ARHGAP44: variants seen among roughly 807,000 people sequenced by gnomAD.
ARHGAP44 encodes Rho GTPase activating protein 44.
A neutral mutation model predicts 106.8 loss-of-function variants in ARHGAP44; 43 were observed. The ratio of observed to expected loss-of-function variants is 0.40; its 90% CI spans 0.32 to 0.52. The LOEUF is 0.52. Among genes scored for constraint, ARHGAP44 ranks in the 20% least tolerant of loss-of-function variants. The pLI is 0.48. For synonymous variants in ARHGAP44, 439 were observed against 410.3 expected (o/e 1.07, Z -0.85); for missense variants, 866 against 1,050.5 (o/e 0.82, Z 2.43).
At chr17:12,885,179 G>A (rs909199584) in intron 1 of ARHGAP44, among the ~76,000 whole-genome samples, 14 of 152,180 alleles carry the variant, frequency 9.2e-5, no homozygotes, top group Non-Finnish European at 1.8e-4. Flanking sequence ...GATTACAGGC[G>A]TGAGCCATCG....
intron 1 of ARHGAP44, among the ~76,000 whole-genome samples, chr17:12,847,010 T>C (rs1272189814): frequency 6.6e-6 from 1 of 152,240 alleles, no homozygotes; most frequent in East Asian, 1.9e-4. Context: ...GACAGCGTCG[T>C]TGAAGTGGCA....
intron 1 of ARHGAP44, among the ~76,000 whole-genome samples, chr17:12,820,275 A>G (rs1277053382): frequency 6.6e-6 from 1 of 152,246 alleles, no homozygotes; most frequent in African/African-American, 2.4e-5. Context: ...ATAATTGTAC[A>G]TATTCATGGG....
At chr17:12,825,416 TTGTGTGTGTG>T (rs35243771) in intron 1 of ARHGAP44, among the ~76,000 whole-genome samples, 1 of 148,082 alleles carries the variant, frequency 6.8e-6, no homozygotes, top group Non-Finnish European at 1.5e-5. Context: ...AGGAGTGTGT[TTGTGTGTGTG>T]TGTGTGTGTG....
At chr17:12,854,647 A>G (rs1299856463) in intron 1 of ARHGAP44, among the ~76,000 whole-genome samples, 1 of 152,104 alleles carries the variant, frequency 6.6e-6, no homozygotes, top group Non-Finnish European at 1.5e-5. Context: ...GAGGATATGA[A>G]CCCGTTATGC....
intron 3 of ARHGAP44, among the ~76,000 whole-genome samples, chr17:12,897,615 G>A (rs1329075450): frequency 1.3e-5 from 2 of 151,692 alleles, no homozygotes; most frequent in Non-Finnish European, 2.9e-5. Context: ...ATGACTTTGG[G>A]CATGAAACCC....
At chr17:12,962,793 C>T (rs1201957514) in intron 16 of ARHGAP44, among the ~76,000 whole-genome samples, 2 of 152,086 alleles carry the variant, frequency 1.3e-5, no homozygotes, top group African/African-American at 4.8e-5. Flanking sequence ...TGCCTGTAAG[C>T]CCAGCACTTT....
intron 1 of ARHGAP44, among the ~76,000 whole-genome samples, chr17:12,885,189 G>T (rs917966271): frequency 6.6e-6 from 1 of 152,166 alleles, no homozygotes; most frequent in Non-Finnish European, 1.5e-5. Flanking sequence ...GTGAGCCATC[G>T]CACCCAGCAC....
intron 8 of ARHGAP44, among the ~76,000 whole-genome samples, chr17:12,942,757 A>G (rs557856694): frequency 6.6e-6 from 1 of 152,314 alleles, no homozygotes; most frequent in South Asian, 2.1e-4. Flanking sequence ...TGGGGAAGGG[A>G]TAGGAGGAGT....
At chr17:12,868,588 A>ATT (rs71854587) in intron 1 of ARHGAP44, among the ~76,000 whole-genome samples, 3 of 20,332 alleles carry the variant, frequency 1.5e-4, no homozygotes, top group African/African-American at 3.2e-4. Flanking sequence ...ATATATATGC[A>ATT]TTTTATATAT....
intron 1 of ARHGAP44, among the ~76,000 whole-genome samples, chr17:12,860,711 C>G (rs1365381234): frequency 1.3e-5 from 2 of 152,168 alleles, no homozygotes; most frequent in Admixed American, 1.3e-4. Context: ...TATCCCTTCC[C>G]TACTCTTGAG....
intron 1 of ARHGAP44, among the ~76,000 whole-genome samples, chr17:12,823,527 C>T (rs2034834790): frequency 6.6e-6 from 1 of 152,152 alleles, no homozygotes; most frequent in African/African-American, 2.4e-5. Flanking sequence ...CATCTCTCTC[C>T]TCTGCCCCAC....
intron 1 of ARHGAP44, among the ~76,000 whole-genome samples, chr17:12,881,825 C>T (rs1273924162): frequency 1.3e-5 from 2 of 152,082 alleles, no homozygotes; most frequent in African/African-American, 4.8e-5. Context: ...TCTTGAGCAG[C>T]TGGGACTACA....
At chr17:12,874,593 T>C (rs2036498306) in intron 1 of ARHGAP44, among the ~76,000 whole-genome samples, 1 of 151,950 alleles carries the variant, frequency 6.6e-6, no homozygotes, top group African/African-American at 2.4e-5. Flanking sequence ...TAGCAGGGTG[T>C]GGTGGTGGGC....
chr17:12,851,664 AC>A (rs541557783), intron 1 of ARHGAP44, among the ~76,000 whole-genome samples: 15 of 152,068 alleles, frequency 9.9e-5, no homozygotes, highest in African/African-American at 3.6e-4. Context: ...CGAACTCCTG[AC>A]CTCAGGTGAT....
intron 1 of ARHGAP44, among the ~76,000 whole-genome samples, chr17:12,834,548 T>A (rs950007455): frequency 6.6e-6 from 1 of 152,190 alleles, no homozygotes; most frequent in African/African-American, 2.4e-5. Context: ...AAAAATTGTG[T>A]ATGTTGCTTA....
At chr17:12,936,393 A>G (rs2038550336) in intron 7 of ARHGAP44, among the ~76,000 whole-genome samples, 1 of 152,002 alleles carries the variant, frequency 6.6e-6, no homozygotes, top group South Asian at 2.1e-4. Context: ...TGATCTTTTT[A>G]TTGTTTACAT....
chr17:12,898,953 A>G (rs2150924442), intron 3 of ARHGAP44, among the ~76,000 whole-genome samples: 1 of 108,148 alleles, frequency 9.2e-6, no homozygotes, highest in Admixed American at 1.0e-4. Context: ...ATTTCACTGC[A>G]TGGATTTATT....
In ARHGAP44 at chr17:12,896,513, T is replaced by C; in HGVS notation, c.198+2T>C. 1 of 1,593,858 alleles carries C rather than the reference T, an allele frequency of 6.3e-7. No homozygotes were observed. Among genetic ancestry groups the C allele is most frequent in the Non-Finnish European group, 8.5e-7 (1 of 1,170,944 alleles). On this transcript the variant is annotated splice_donor_variant, in intron 3 of 20. Coordinates refer to ENST00000379672, the MANE Select transcript of ARHGAP44 (RefSeq NM_014859.6). LOFTEE classifies it high-confidence loss of function. The stretch of plus-strand genomic sequence containing the variant: ...GGGGCAGAGGCTGACAAGCGCTCCG[T>C]AAGTGCCCTCCCAGCCCTGGGGAGC...
At chr17:12,836,071 TC>T in intron 1 of ARHGAP44, among the ~76,000 whole-genome samples, 1 of 152,284 alleles carries the variant, frequency 6.6e-6, no homozygotes, top group East Asian at 1.9e-4. Context: ...CCATCTTTTG[TC>T]TATTGTGAAT....
Sources: gnomAD v4.1 joint callset for allele counts (sites outside exome capture counted in the v4.1 genomes callset) on GRCh38, gnomAD v4.1.1 for gene constraint, MANE v1.5 for transcripts, NCBI Gene and HGNC (gene_info 2026-07-23, HGNC 2026-07-21) for gene names.